The following DOCK9 variants were observed in gnomAD, a reference collection of about 807,000 sequenced individuals.
The protein encoded by DOCK9 is dedicator of cytokinesis 9, also known as dedicator of cytokinesis protein 9.
In DOCK9, 89 loss-of-function variants were observed where a neutral mutation model predicts 263.3. That is an observed-to-expected ratio of 0.34 (90% CI 0.28 to 0.40). DOCK9 has a LOEUF of 0.40. Ranked by LOEUF, DOCK9 falls within the 10% of genes least tolerant of loss-of-function variation. DOCK9 has a pLI of 1.00. For synonymous variants in DOCK9, 976 were observed against 973.1 expected (o/e 1.00, Z -0.06); for missense variants, 2,140 against 2,603.4 (o/e 0.82, Z 3.87).
intron 1 of DOCK9, among the ~76,000 whole-genome samples, chr13:99,068,134 T>A (rs140216527): frequency 6.6e-6 from 1 of 152,144 alleles, no homozygotes; most frequent in Non-Finnish European, 1.5e-5. Context: ...GAAACCCTCA[T>A]CTGCTATTGG....
chr13:99,028,359 C>A (rs767659), intron 1 of DOCK9, among the ~76,000 whole-genome samples: 1 of 151,786 alleles, frequency 6.6e-6, no homozygotes, highest in African/African-American at 2.4e-5. Flanking sequence ...TCTCCAACAG[C>A]AAAAGTTAAT....
intron 1 of DOCK9, among the ~76,000 whole-genome samples, chr13:99,080,406 G>T (rs1264330090): frequency 6.6e-6 from 1 of 152,128 alleles, no homozygotes; most frequent in African/African-American, 2.4e-5. Flanking sequence ...TATGTTCATG[G>T]CTGGTTTGAA....
chr13:98,795,886 G>A (rs1302187115), intron 52 of DOCK9, among the ~76,000 whole-genome samples: 1 of 151,862 alleles, frequency 6.6e-6, no homozygotes, highest in Non-Finnish European at 1.5e-5. Flanking sequence ...AGCCTCCCGA[G>A]TAGCTGAGAC....
chr13:98,880,118 C>T (rs778470841), intron 26 of DOCK9, 149 bp from the exon 27 acceptor site: 161 of 611,254 alleles, frequency 2.6e-4, no homozygotes, highest in Non-Finnish European at 4.0e-4. Context: ...TCAGAGCCAA[C>T]GGTGAATGGC....
intron 1 of DOCK9, among the ~76,000 whole-genome samples, chr13:99,023,385 A>C (rs982735793): frequency 2.6e-5 from 4 of 152,264 alleles, no homozygotes; most frequent in Non-Finnish European, 1.5e-5. Context: ...CAGATACAAA[A>C]GGACAAATAC....
At chr13:98,895,185 A>T (rs1411726292) in intron 15 of DOCK9, among the ~76,000 whole-genome samples, 1 of 151,606 alleles carries the variant, frequency 6.6e-6, no homozygotes, top group Non-Finnish European at 1.5e-5. Flanking sequence ...GAAGAGTTAA[A>T]TAATCTATGG....
rs1264576888 is a variant in DOCK9 at position 98,905,341 on chromosome 13, G to A, written c.961-635C>T. Among the ~76,000 whole-genome samples the A allele has an allele frequency of 2.6e-5, 4 of 152,192 alleles. No homozygotes were observed. In the East Asian group the frequency reaches 5.8e-4, roughly 22 times the overall value. On this transcript the variant is annotated intron_variant, in intron 9 of 52. Transcript: ENST00000682017. Reference sequence around the variant, plus strand: ...TCCCTAGTCCCAAGGAACACCAGGTGGGGAGAGAGCATATCAACAGGTAAT... The same window carrying A: ...TCCCTAGTCCCAAGGAACACCAGGTAGGGAGAGAGCATATCAACAGGTAAT...
intron 38 of DOCK9, among the ~76,000 whole-genome samples, chr13:98,838,063 G>A (rs974345690): frequency 1.3e-5 from 2 of 152,146 alleles, no homozygotes; most frequent in African/African-American, 4.8e-5. Context: ...GGCATTGATC[G>A]ATTCTGCTAT....
intron 1 of DOCK9, among the ~76,000 whole-genome samples, chr13:99,000,460 G>A (rs1447501649): frequency 6.6e-6 from 1 of 152,186 alleles, no homozygotes; most frequent in African/African-American, 2.4e-5. Context: ...GAGTAGCTTA[G>A]TAGAGGGTGG....
intron 35 of DOCK9, among the ~76,000 whole-genome samples, chr13:98,850,653 C>T (rs1324753737): frequency 6.6e-6 from 1 of 152,184 alleles, no homozygotes; most frequent in Non-Finnish European, 1.5e-5. Flanking sequence ...TACTGATAGG[C>T]AGTTACTGTT....
At chr13:98,964,983 C>A (rs1295476589) in intron 1 of DOCK9, among the ~76,000 whole-genome samples, 1 of 152,214 alleles carries the variant, frequency 6.6e-6, no homozygotes, top group Non-Finnish European at 1.5e-5. Context: ...ACCCATACAG[C>A]CCTCAGTCTC....
intron 1 of DOCK9, among the ~76,000 whole-genome samples, chr13:99,014,736 C>CTG (rs1885112095): frequency 6.6e-6 from 1 of 152,168 alleles, no homozygotes; most frequent in African/African-American, 2.4e-5. Context: ...GCAAGGCATC[C>CTG]TGAGAGAGGA....
intron 1 of DOCK9, among the ~76,000 whole-genome samples, chr13:99,074,977 G>A (rs1596045974): frequency 2.0e-5 from 3 of 152,176 alleles, no homozygotes; most frequent in Non-Finnish European, 4.4e-5. Context: ...CATTACAGTA[G>A]TACAATATGT....
intron 45 of DOCK9, among the ~76,000 whole-genome samples, chr13:98,813,624 T>C (rs1406725492): frequency 6.6e-6 from 1 of 152,038 alleles, no homozygotes; most frequent in Admixed American, 6.6e-5. Context: ...TTTACTAATA[T>C]ATATTTTTTT....
At chr13:98,802,226 G>A (rs759081656) in intron 49 of DOCK9, among the ~76,000 whole-genome samples, 4 of 152,158 alleles carry the variant, frequency 2.6e-5, no homozygotes, top group African/African-American at 9.7e-5. Flanking sequence ...ACTCATCTGG[G>A]TACTGTTTAT....
chr13:98,863,518 T>A lies in DOCK9; in HGVS notation c.3317A>T (p.Glu1106Val). The change falls in exon 31 of 53, where the codon GAG becomes GTG. Residue 1106 changes from glutamate (E) to valine (V), a missense_variant. Around this residue, in one of 2 missense-constraint regions of DOCK9, gnomAD observed 1,521 missense variants for 1,741.7 expected, o/e 0.87. Coordinates refer to ENST00000682017, the MANE Select transcript of DOCK9 (RefSeq NM_001366683.2). Reference protein sequence around the residue: ...DLQLDYSLTDEFCRNHFLVGL... With the variant: ...DLQLDYSLTDVFCRNHFLVGL... ...CACCAAGAAGTGGTTTCTGCAGAACTCATCTGTTAATGAGTAGTCAAGCTG... is the reference window on the plus strand; with the variant it reads ...CACCAAGAAGTGGTTTCTGCAGAACACATCTGTTAATGAGTAGTCAAGCTG... The A allele has an allele frequency of 6.2e-7, 1 of 1,613,392 alleles. No homozygotes were observed. The highest frequency in any genetic ancestry group is 2.2e-5 in the East Asian group (1 of 44,864).
rs1356272805 is a variant in DOCK9 at position 98,807,710 on chromosome 13, G to A, written c.5465C>T (p.Ser1822Leu). The A allele has an allele frequency of 1.9e-6, 3 of 1,613,038 alleles. No homozygotes were observed. The highest frequency in any genetic ancestry group is 1.3e-5 in the African/African-American group (1 of 74,850). Residue 1822 changes from serine to leucine, a missense_variant, in exon 48 of 53, where the codon TCG becomes TTG. Ser to Leu is a moderately radical substitution (Grantham distance 145). This residue lies in a region of DOCK9 where 619 missense variants were observed against 861.8 expected (regional missense o/e 0.72). Coordinates refer to ENST00000682017, the MANE Select transcript of DOCK9 (RefSeq NM_001366683.2). ...GACATTTTCAGAACCAAATTTATCC[G>A]AGTACAGTTTAAGGAGTCTCTGAGA... ...EISQRLLKLY[S>L]DKFGSENVKM... is the part of the protein sequence containing the mutation.
intron 1 of DOCK9, among the ~76,000 whole-genome samples, chr13:99,005,817 G>T (rs1883237058): frequency 6.6e-6 from 1 of 152,080 alleles, no homozygotes; most frequent in Non-Finnish European, 1.5e-5. Flanking sequence ...ATTAAAGCAG[G>T]CCTGGACAAT....
At chr13:98,949,594 G>T in intron 2 of DOCK9, 2 of 164,724 alleles carry the variant, frequency 1.2e-5, no homozygotes, top group Non-Finnish European at 2.6e-5. Flanking sequence ...TCTTTTCTTC[G>T]ACCCTTCCTT....
Sources: gnomAD v4.1 joint callset for allele counts (sites outside exome capture counted in the v4.1 genomes callset) on GRCh38, gnomAD v4.1.1 for gene constraint, gnomAD v4.1.1 regional missense constraint, MANE v1.5 for transcripts, NCBI Gene and HGNC (gene_info 2026-07-23, HGNC 2026-07-21) for gene names.